The following IQSEC1 variants were observed in gnomAD, a reference collection of about 807,000 sequenced individuals.
IQSEC1 encodes the protein IQ motif and Sec7 domain ArfGEF 1, also known as IQ motif and SEC7 domain-containing protein 1.
Under a neutral mutation model 91.0 loss-of-function variants are expected in IQSEC1, and 31 were observed. The ratio of observed to expected loss-of-function variants is 0.34; its 90% CI spans 0.26 to 0.46. IQSEC1 has a LOEUF of 0.46. Ranked by LOEUF, IQSEC1 falls within the 20% of genes least tolerant of loss-of-function variation. The pLI, the probability that IQSEC1 is intolerant of heterozygous loss-of-function variation, is 1.00. For synonymous variants in IQSEC1, 699 were observed against 662.6 expected (o/e 1.05, Z -0.84); for missense variants, 1,388 against 1,575.6 (o/e 0.88, Z 2.02).
Position 13,275,255 on chromosome 3 carries a change from G to C in IQSEC1, c.272+7456C>G, listed in dbSNP as rs181611003. Among the ~76,000 whole-genome samples the C allele has an allele frequency of 1.1e-3, 160 of 152,316 alleles. 2 individuals carry two copies. In the East Asian group the frequency reaches 0.021, roughly 20 times the overall value. ...TACAATCAACACATTCTAAGTTCAG[G>C]TGCAGAACGACAGTCTCTAACCCGT... On this transcript the variant is annotated intron_variant, in intron 1 of 15. Coordinates refer to the IQSEC1 transcript ENST00000648114.
At chr3:13,063,271 G>A (rs770361919) in intron 1 of IQSEC1, among the ~76,000 whole-genome samples, 20 of 152,234 alleles carry the variant, frequency 1.3e-4, no homozygotes, top group Non-Finnish European at 2.8e-4. Flanking sequence ...TTCACTGAAA[G>A]CTAATTCATA....
At chr3:12,993,183 A>G (rs443709) in intron 1 of IQSEC1, among the ~76,000 whole-genome samples, 75,557 of 152,010 alleles carry the variant, frequency 0.5, 20,704 homozygotes, top group African/African-American at 0.74. Context: ...ACTCTCCTGG[A>G]GGTCTACCGG....
At chr3:13,251,341 A>G (rs1285925247) in intron 1 of IQSEC1, among the ~76,000 whole-genome samples, 1 of 152,102 alleles carries the variant, frequency 6.6e-6, no homozygotes, top group Non-Finnish European at 1.5e-5. Context: ...GGCTTTCCTC[A>G]CTGAAATGAG....
chr3:12,927,019 T>G (rs1190405943), intron 3 of IQSEC1, among the ~76,000 whole-genome samples: 1 of 152,114 alleles, frequency 6.6e-6, no homozygotes, highest in Non-Finnish European at 1.5e-5. Context: ...TCGCTATGAT[T>G]CGGGGGTCTC....
chr3:13,133,952 G>T (rs945607741), intron 2 of IQSEC1, among the ~76,000 whole-genome samples: 2 of 152,198 alleles, frequency 1.3e-5, no homozygotes, highest in Middle Eastern at 3.2e-3. Context: ...CTTCACCACC[G>T]TGGGCCCATG....
In IQSEC1 at chr3:12,900,869, G is replaced by C. The variant is rs1038453141; in HGVS notation, c.*114C>G. The C allele has an allele frequency of 9.8e-6, 15 of 1,533,370 alleles. No individual in the cohort carries two copies. Among genetic ancestry groups the C allele is most frequent in the Non-Finnish European group, 1.2e-5 (14 of 1,145,578 alleles). 95.0% of individuals were successfully genotyped at this position (1,533,370 alleles called of 1,614,324 possible). A position where few individuals can be genotyped will look rare whatever the true frequency, so the allele number is the denominator to read the frequency against. On this transcript the variant is annotated 3_prime_UTR_variant, in exon 14 of 14. Coordinates refer to ENST00000613206, the MANE Select transcript of IQSEC1 (RefSeq NM_001134382.3). Reference sequence around the variant, plus strand: ...CTCCGGTTGGGCCGTGAGGGGCAGAGGGGAGAGATGGCAACAGAAGTGCCC... The same window carrying C: ...CTCCGGTTGGGCCGTGAGGGGCAGACGGGAGAGATGGCAACAGAAGTGCCC...
At chr3:13,082,303 G>A (rs1705658178) in intron 2 of IQSEC1, among the ~76,000 whole-genome samples, 1 of 152,176 alleles carries the variant, frequency 6.6e-6, no homozygotes. Context: ...ACACCGCTGG[G>A]CACACACAGT....
chr3:13,146,320 C>A (rs1706897440), intron 2 of IQSEC1, among the ~76,000 whole-genome samples: 1 of 152,196 alleles, frequency 6.6e-6, no homozygotes, highest in Non-Finnish European at 1.5e-5. Context: ...AATACTATCC[C>A]TTCACGTGTC....
At chr3:13,064,266 C>G (rs183711404) in intron 1 of IQSEC1, among the ~76,000 whole-genome samples, 72 of 152,270 alleles carry the variant, frequency 4.7e-4, no homozygotes, top group African/African-American at 1.7e-3. Flanking sequence ...GCTCCATTAC[C>G]ACAAAGATCC....
chr3:12,902,658 CAAAAA>C (rs63063761), intron 13 of IQSEC1, 110 bp downstream of exon 13: 5 of 268,656 alleles, frequency 1.9e-5, no homozygotes, highest in Admixed American at 1.3e-4. Flanking sequence ...AAAAAAACAA[CAAAAA>C]AAAAACCAAA....
chr3:13,089,768 G>A (rs1188127161), intron 2 of IQSEC1, among the ~76,000 whole-genome samples: 1 of 152,228 alleles, frequency 6.6e-6, no homozygotes, highest in Non-Finnish European at 1.5e-5. Context: ...GGCTGCCAGG[G>A]AATGGGAGGA....
At chr3:13,170,305 T>C (rs1693582298) in intron 1 of IQSEC1, among the ~76,000 whole-genome samples, 1 of 152,222 alleles carries the variant, frequency 6.6e-6, no homozygotes. Flanking sequence ...CTGCCTAGAT[T>C]TCAGAGGATG....
chr3:13,122,020 C>A (rs998112389), intron 2 of IQSEC1, among the ~76,000 whole-genome samples: 5 of 152,322 alleles, frequency 3.3e-5, no homozygotes, highest in African/African-American at 9.6e-5. Context: ...CAGCACTGGC[C>A]CTGGCTCAGC....
At chr3:12,960,056 C>T (rs1250667396) in intron 1 of IQSEC1, among the ~76,000 whole-genome samples, 1 of 152,180 alleles carries the variant, frequency 6.6e-6, no homozygotes, top group East Asian at 1.9e-4. Flanking sequence ...TCCCCAAACA[C>T]TTCCTCTCCA....
chr3:12,937,594 G>A (rs1698315845), intron 2 of IQSEC1, among the ~76,000 whole-genome samples: 1 of 152,244 alleles, frequency 6.6e-6, no homozygotes, highest in Non-Finnish European at 1.5e-5. Flanking sequence ...TAAGCACTGA[G>A]CCCATGCAGT....
At chr3:13,068,255 A>G (rs2125105108) in intron 1 of IQSEC1, among the ~76,000 whole-genome samples, 1 of 152,364 alleles carries the variant, frequency 6.6e-6, no homozygotes, top group South Asian at 2.1e-4. Context: ...CAGGTGGGTC[A>G]GAGGTAGGTG....
At chr3:13,091,121 G>A (rs1705853344) in intron 2 of IQSEC1, among the ~76,000 whole-genome samples, 1 of 152,120 alleles carries the variant, frequency 6.6e-6, no homozygotes, top group Admixed American at 6.5e-5. Context: ...CGTCACTCCG[G>A]TCTTGACTCA....
intron 6 of IQSEC1, among the ~76,000 whole-genome samples, 176 bp from the exon 7 acceptor site, chr3:12,915,909 T>C (rs1168557575): frequency 6.6e-6 from 1 of 152,164 alleles, no homozygotes; most frequent in Non-Finnish European, 1.5e-5. Flanking sequence ...TCAGTCCTCC[T>C]ACCAGAACGG....
chr3:13,068,204 T>C (rs1179259031), intron 1 of IQSEC1, among the ~76,000 whole-genome samples: 1 of 152,250 alleles, frequency 6.6e-6, no homozygotes, highest in East Asian at 1.9e-4. Flanking sequence ...GATGTGGATG[T>C]CGGACCTGTC....
Sources: gnomAD v4.1 joint callset for allele counts (sites outside exome capture counted in the v4.1 genomes callset) on GRCh38, gnomAD v4.1.1 for gene constraint, MANE v1.5 for transcripts, NCBI Gene and HGNC (gene_info 2026-07-23, HGNC 2026-07-21) for gene names.